Variants in C6orf120 observed in about 807,000 individuals in gnomAD.
C6orf120 encodes chromosome 6 open reading frame 120.
For missense variants in C6orf120, 311 were observed against 264.2 expected, an observed-to-expected ratio of 1.18 and a Z score of -1.23; for synonymous variants, 165 against 123.1, an observed-to-expected ratio of 1.34 and a Z score of -2.25.
exon 1 of C6orf120, chr6:169,703,351 A>C (rs1167039346): frequency 2.9e-6 from 1 of 343,922 alleles, no homozygotes; most frequent in Non-Finnish European, 5.6e-6. Context: ...TCATGCTGTG[A>C]CACAAATCAA....
At chr6:169,703,919 C>A (rs1788642475) in exon 1 of C6orf120, 6 of 1,145,930 alleles carry the variant, frequency 5.2e-6, no homozygotes, top group South Asian at 3.1e-5. Context: ...CAAAAAAAAT[C>A]TTTTATTGGC....
At chr6:169,702,465 C>G (rs1168071018) in exon 1 of C6orf120, 1 of 1,543,746 alleles carries the variant, frequency 6.5e-7, no homozygotes, top group East Asian at 2.4e-5. Flanking sequence ...CAGCCATGGC[C>G]GCTCCCCGCG....
chr6:169,705,962 T>G (rs1788771284), downstream of C6orf120, among the ~76,000 whole-genome samples: 1 of 152,180 alleles, frequency 6.6e-6, no homozygotes, highest in Non-Finnish European at 1.5e-5. Flanking sequence ...AATGTAGCAT[T>G]CTATACTCCC....
chr6:169,704,092 G>A (rs1428271848), exon 1 of C6orf120: 1 of 1,571,554 alleles, frequency 6.4e-7, no homozygotes, highest in Non-Finnish European at 8.6e-7. Context: ...CAGCGACCTA[G>A]GAAAAAAATT....
At chr6:169,702,220 G>GCACTGC (rs1554405428) in exon 1 of C6orf120, 12,562 of 687,074 alleles carry the variant, frequency 0.018, 195 homozygotes, top group South Asian at 0.039. Flanking sequence ...TGCCACAGCG[G>GCACTGC]CCCTGCCCCT....
downstream of C6orf120, chr6:169,704,958 A>G (rs931056892): frequency 2.3e-6 from 1 of 436,720 alleles, no homozygotes; most frequent in African/African-American, 2.0e-5. Context: ...CTTTAGTTGG[A>G]ATTGTCTAGG....
chr6:169,703,038 C>T (rs1165095487), exon 1 of C6orf120: 1 of 1,546,484 alleles, frequency 6.5e-7, no homozygotes, highest in Non-Finnish European at 8.7e-7. Context: ...TCTTTTGAGT[C>T]GTTGACCACA....
At chr6:169,705,145 C>A, downstream of C6orf120, 1 of 1,606,836 alleles carries the variant, frequency 6.2e-7, no homozygotes. Flanking sequence ...GATGGAATAG[C>A]ACCAAGGCCC....
At chr6:169,702,271 A>T in exon 1 of C6orf120, 2 of 689,356 alleles carry the variant, frequency 2.9e-6, no homozygotes, top group East Asian at 2.7e-5. Context: ...GCTACGGGGG[A>T]GGGGTTAACC....
At chr6:169,706,120 A>G (rs1381359641), downstream of C6orf120, among the ~76,000 whole-genome samples, 1 of 152,192 alleles carries the variant, frequency 6.6e-6, no homozygotes, top group South Asian at 2.1e-4. Flanking sequence ...AATAGCTCAT[A>G]TATTAATTTT....
In C6orf120 at chr6:169,702,236, T is replaced by TGCCCCTG. The variant is rs1788314950; in HGVS notation, c.-223_-217dup. On this transcript the variant is annotated 5_prime_UTR_variant, in exon 1 of 1. An upstream open reading frame in the 5' UTR loses its in-frame stop. Coordinates refer to ENST00000332290, the Ensembl canonical transcript of C6orf120. ...GCCACAGCGGCCCTGCCCCTGCCCC[T>TGCCCCTG]GCCCCTGCCCTGAGTGGGCGCCGCG... The TGCCCCTG allele has an allele frequency of 2.9e-6, 2 of 691,426 alleles. No individual in the cohort carries two copies. The highest frequency in any genetic ancestry group is 5.5e-5 in the East Asian group (2 of 36,462). 42.8% of individuals were successfully genotyped at this position (691,426 alleles called of 1,614,324 possible). A position where few individuals can be genotyped will look rare whatever the true frequency, so the allele number is the denominator to read the frequency against.
chr6:169,705,134 T>C, downstream of C6orf120: 1 of 1,596,752 alleles, frequency 6.3e-7, no homozygotes, highest in East Asian at 2.2e-5. Flanking sequence ...AATCTTTACC[T>C]GATGGAATAG....
exon 1 of C6orf120, chr6:169,702,507 G>C: frequency 6.2e-7 from 1 of 1,603,180 alleles, no homozygotes; most frequent in Non-Finnish European, 8.5e-7. Context: ...CGGCCCTGCT[G>C]CTGCTCCTAG....
At chr6:169,705,426 G>T, downstream of C6orf120, 1 of 807,184 alleles carries the variant, frequency 1.2e-6, no homozygotes, top group Non-Finnish European at 2.0e-6. Flanking sequence ...TGGCTATAAT[G>T]TCAAATCGCC....
chr6:169,704,301 G>C, exon 1 of C6orf120: 1 of 502,714 alleles, frequency 2.0e-6, no homozygotes. Flanking sequence ...AGTCAAGGGG[G>C]ATGGGAGAGA....
At chr6:169,702,682 G>C (rs753153036) in exon 1 of C6orf120, 1 of 1,613,532 alleles carries the variant, frequency 6.2e-7, no homozygotes, top group South Asian at 1.1e-5. Context: ...CCTCAAGGGA[G>C]ATGCGGATCT....
exon 1 of C6orf120, chr6:169,704,292 G>C (rs547106990): frequency 1.6e-4 from 81 of 510,622 alleles, no homozygotes; most frequent in Middle Eastern, 5.0e-4. Flanking sequence ...TTCATTGCAA[G>C]TCAAGGGGGA....
At position 169,702,400 on chromosome 6, in the gene C6orf120, G is replaced by T. The variant is rs773557541; in HGVS notation, c.-60G>T. On this transcript the variant is annotated 5_prime_UTR_variant, in exon 1 of 1. Transcript: ENST00000332290. ...GCGGGGACAGGCTCCGGTGCTGAGC[G>T]CCTCCGGTGTCCCCAGCAGCACTGA... 10 of 1,045,250 alleles carry T rather than the reference G, an allele frequency of 9.6e-6. No homozygotes were observed. The African/African-American group carries it at 1.4e-4, about 15-fold the overall frequency. 64.7% of individuals were successfully genotyped at this position (1,045,250 alleles called of 1,614,324 possible).
exon 1 of C6orf120, chr6:169,702,391 G>C: frequency 1.0e-6 from 1 of 972,824 alleles, no homozygotes; most frequent in Non-Finnish European, 1.5e-6. Context: ...ACAGGCTCCG[G>C]TGCTGAGCGC....
Sources: allele counts gnomAD v4.1 joint callset (sites outside exome capture counted in the v4.1 genomes callset), GRCh38; gene constraint gnomAD v4.1.1; transcripts MANE v1.5; gene names NCBI Gene and HGNC (gene_info 2026-07-23, HGNC 2026-07-21).